Variants in CDHR1 observed in about 807,000 individuals in gnomAD.
CDHR1 encodes cadherin-related family member 1.
In CDHR1, 61 loss-of-function variants were observed where a neutral mutation model predicts 72.1. The ratio of observed to expected loss-of-function variants is 0.85; its 90% CI spans 0.69 to 1.05. The LOEUF is 1.05. Ranked by LOEUF, CDHR1 falls within the 50% of genes least tolerant of loss-of-function variation. The pLI is 0.00. For synonymous variants in CDHR1, 470 were observed against 448.1 expected (o/e 1.05, Z -0.62); for missense variants, 1,186 against 1,115.7 (o/e 1.06, Z -0.90).
intron 4 of CDHR1, among the ~76,000 whole-genome samples, chr10:84,198,375 T>G (rs1238894123): frequency 6.6e-6 from 1 of 152,242 alleles, no homozygotes; most frequent in Non-Finnish European, 1.5e-5. Context: ...TTCTGCCTGG[T>G]GTTCCAGGAC....
chr10:84,202,575 A>G (rs931814408), intron 7 of CDHR1, among the ~76,000 whole-genome samples: 2 of 152,204 alleles, frequency 1.3e-5, no homozygotes, highest in Admixed American at 1.3e-4. Flanking sequence ...GGCTGGTTGC[A>G]CATCTCCATT....
At position 84,205,201 on chromosome 10, in the gene CDHR1, C is replaced by T. The variant is rs186642001; in HGVS notation, c.862+596C>T. 2.8e-3 allele frequency among the ~76,000 whole-genome samples: 427 copies of T among 152,248 alleles called. 2 individuals are homozygous for T. The highest frequency in any genetic ancestry group is 2.5e-3 in the Non-Finnish European group (167 of 68,000). ...CCAGGCCAGGGCATCGCATCTGGTGCCTGGTACCAGAAGTGTGCATGTCTA... is the reference window on the plus strand; with the variant it reads ...CCAGGCCAGGGCATCGCATCTGGTGTCTGGTACCAGAAGTGTGCATGTCTA... On this transcript the variant is annotated intron_variant, in intron 9 of 16. Coordinates refer to ENST00000623527, the MANE Select transcript of CDHR1 (RefSeq NM_033100.4).
downstream of CDHR1, chr10:84,219,376 G>GCTC: frequency 1.3e-6 from 2 of 1,493,186 alleles, no homozygotes; most frequent in Non-Finnish European, 1.8e-6. Context: ...CCACCAACAT[G>GCTC]CTCCTGGCTC....
At chr10:84,203,576 A>C (rs1055607972) in intron 8 of CDHR1, among the ~76,000 whole-genome samples, 1 of 152,106 alleles carries the variant, frequency 6.6e-6, no homozygotes, top group Non-Finnish European at 1.5e-5. Flanking sequence ...CACCATGCTC[A>C]GCTAATTTTT....
chr10:84,214,436 A>T lies in CDHR1; in HGVS notation c.2395A>T (p.Ser799Cys), dbSNP rs745380848. 6.2e-7 allele frequency: 1 copy of T among 1,613,038 alleles called. No homozygotes were observed. The highest frequency in any genetic ancestry group is 8.5e-7 in the Non-Finnish European group (1 of 1,179,996). The change falls in exon 17 of 17, where the codon AGC becomes TGC. Residue 799 changes from serine (S) to cysteine (C), a missense_variant. By Grantham distance (112) the Ser-to-Cys change is moderately radical (BLOSUM62 -1). Transcript: ENST00000623527. Reference sequence around the variant, plus strand: ...AGCTCCGGCTCTCCCTCCACCACCCAGCGTGGCGCCCAGCACTGGCGCAGC... The same window carrying T: ...AGCTCCGGCTCTCCCTCCACCACCCTGCGTGGCGCCCAGCACTGGCGCAGC... ...PRAPALPPPP[S>C]VAPSTGAAQW...
chr10:84,196,805 C>A (rs1842038582), intron 3 of CDHR1, among the ~76,000 whole-genome samples, 155 bp downstream of exon 3: 1 of 152,208 alleles, frequency 6.6e-6, no homozygotes, highest in Admixed American at 6.5e-5. Flanking sequence ...GATCTCTGGG[C>A]CACTTCCCAT....
intron 12 of CDHR1, among the ~76,000 whole-genome samples, chr10:84,209,369 T>G (rs1048850044): frequency 2.0e-5 from 3 of 152,142 alleles, no homozygotes; most frequent in African/African-American, 7.2e-5. Context: ...ACTATTAAAA[T>G]TATCTTATTT....
chr10:84,195,715 G>A (rs998295544), intron 2 of CDHR1, 126 bp downstream of exon 2: 4 of 784,720 alleles, frequency 5.1e-6, no homozygotes, highest in Non-Finnish European at 4.4e-6. Flanking sequence ...TTTGCTCTCC[G>A]AATTCCCCTG....
chr10:84,213,479 TG>T (rs1842374718), intron 16 of CDHR1, 131 bp downstream of exon 16: 1 of 1,231,768 alleles, frequency 8.1e-7, no homozygotes, highest in African/African-American at 1.5e-5. Context: ...AAAGGCAGCC[TG>T]TGCCATCAAA....
chr10:84,212,548 C>A, intron 15 of CDHR1, 141 bp downstream of exon 15: 1 of 696,018 alleles, frequency 1.4e-6, no homozygotes, highest in Non-Finnish European at 2.6e-6. Context: ...TTTTGTATAT[C>A]CCCATCCCCA....
rs1842448648 is a variant in CDHR1, at chr10:84,217,799, C to T, written c.*3178C>T. On this transcript the variant is annotated 3_prime_UTR_variant, in exon 17 of 17. Transcript: ENST00000623527. ...AGTGGATCCAGAGGGGAGTGGAGGA[C>T]AGGGCAGATGCCACAGCATCTGTGG... 2.0e-6 allele frequency: 2 copies of T among 985,414 alleles called. No homozygotes were observed. Among genetic ancestry groups the T allele is most frequent in the African/African-American group, 3.5e-5 (2 of 57,318 alleles). 61.0% of individuals were successfully genotyped at this position (985,414 alleles called of 1,614,324 possible). A position where few individuals can be genotyped will look rare whatever the true frequency, so the allele number is the denominator to read the frequency against.
Position 84,214,804 on chromosome 10 carries a change from G to A in CDHR1, c.*183G>A. On this transcript the variant is annotated 3_prime_UTR_variant, in exon 17 of 17. Transcript: ENST00000623527. ...CGCAACAAGAAGTTGCGCTCTGACAGGGCTCTAGTCAGGGCCTTGGGCAAG... is the reference window on the plus strand; with the variant it reads ...CGCAACAAGAAGTTGCGCTCTGACAAGGCTCTAGTCAGGGCCTTGGGCAAG... The A allele has an allele frequency of 6.5e-7, 1 of 1,531,728 alleles. No homozygotes were observed. The highest frequency in any genetic ancestry group is 1.2e-5 in the South Asian group (1 of 81,622). 94.9% of individuals were successfully genotyped at this position (1,531,728 alleles called of 1,614,324 possible).
chr10:84,219,002 C>G, downstream of CDHR1: 1 of 619,634 alleles, frequency 1.6e-6, no homozygotes, highest in Non-Finnish European at 2.7e-6. Context: ...CCAGAATAAC[C>G]CTATGAGGTA....
rs1842434875 is a variant in CDHR1, at chr10:84,216,931, C to G, written c.*2310C>G. 2.0e-6 allele frequency: 2 copies of G among 985,372 alleles called. No homozygotes were observed. Among genetic ancestry groups the G allele is most frequent in the African/African-American group, 3.5e-5 (2 of 57,244 alleles). 61.0% of individuals were successfully genotyped at this position (985,372 alleles called of 1,614,324 possible). A position where few individuals can be genotyped will look rare whatever the true frequency, so the allele number is the denominator to read the frequency against. On this transcript the variant is annotated 3_prime_UTR_variant, in exon 17 of 17. Transcript: ENST00000623527. ...TCTCTCAGACAGGCGTCCTAAAGAC[C>G]TCTAGGCTGGAAGCTTGGGCTTGCA...
chr10:84,205,914 A>T lies in CDHR1; in HGVS notation c.950A>T (p.Glu317Val), dbSNP rs777220837. 3.1e-6 allele frequency: 5 copies of T among 1,613,326 alleles called. No individual in the cohort carries two copies. The highest frequency in any genetic ancestry group is 1.7e-4 in the Middle Eastern group (1 of 6,058). ...GCCCAGCTCCAGAGAGAGGTGTATG[A>T]GCTGCATGTACAGGTACCCTCCCTC... The part of the protein sequence containing the change: ...SPAQLQREVY[E>V]LHVQVTEMSP... Residue 317 changes from glutamate to valine, a missense_variant, in exon 10 of 17, where the codon GAG becomes GTG. Coordinates refer to ENST00000623527, the MANE Select transcript of CDHR1 (RefSeq NM_033100.4).
In CDHR1 at chr10:84,214,226, A is replaced by G; in HGVS notation, c.2185A>G (p.Lys729Glu). ...ISTATFWRNK[K>E]SNKVLPMRRV... The stretch of plus-strand genomic sequence containing the variant: ...CACCGCCACCTTCTGGCGCAACAAG[A>G]AGTCTAACAAGGTCCTGCCAATGCG... Residue 729 changes from lysine to glutamate, a missense_variant, in exon 17 of 17, where the codon AAG becomes GAG. Transcript: ENST00000623527. The G allele has an allele frequency of 2.5e-6, 4 of 1,614,092 alleles. No individual in the cohort carries two copies. The highest frequency in any genetic ancestry group is 3.3e-5 in the Admixed American group (2 of 60,018).
rs1842404812 is a variant in CDHR1 at position 84,215,000 on chromosome 10, AAGC to A, written c.*385_*387del. On this transcript the variant is annotated 3_prime_UTR_variant, in exon 17 of 17. Coordinates refer to ENST00000623527, the MANE Select transcript of CDHR1 (RefSeq NM_033100.4). ...TGGGATCTCATCATCATCCTTAGTC[AAGC>A]AGCAGGGCCCTGGCCACGTGGAGCA... 1 of 1,150,670 alleles carries A rather than the reference AAGC, an allele frequency of 8.7e-7. No individual in the cohort carries two copies. Among genetic ancestry groups the A allele is most frequent in the Non-Finnish European group, 1.1e-6 (1 of 927,830 alleles). The allele number at this position is 1,150,670 out of a possible 1,614,324, so 71.3% of individuals were successfully genotyped here. A position where few individuals can be genotyped will look rare whatever the true frequency, so the allele number is the denominator to read the frequency against.
At chr10:84,203,699 A>G (rs1027798158) in intron 8 of CDHR1, among the ~76,000 whole-genome samples, 8 of 152,220 alleles carry the variant, frequency 5.3e-5, no homozygotes, top group Non-Finnish European at 1.2e-4. Context: ...TACAGGTGTG[A>G]GCCACCGCGC....
chr10:84,197,127 T>C (rs78284015), intron 3 of CDHR1, among the ~76,000 whole-genome samples: 2,866 of 152,240 alleles, frequency 0.019, 77 homozygotes, highest in African/African-American at 0.067. Flanking sequence ...TCAGACCGCA[T>C]AGCAGCCTGG....
Sources: allele counts gnomAD v4.1 joint callset (sites outside exome capture counted in the v4.1 genomes callset), GRCh38; gene constraint gnomAD v4.1.1; transcripts MANE v1.5; gene names NCBI Gene and HGNC (gene_info 2026-07-23, HGNC 2026-07-21).